Variants in TTLL7 observed in about 807,000 individuals in gnomAD.
TTLL7 encodes the protein tubulin tyrosine ligase like 7.
TTLL7 carries 53 observed loss-of-function variants against 120.2 expected under a neutral mutation model. That is an observed-to-expected ratio of 0.44 (90% CI 0.35 to 0.55). The LOEUF (loss-of-function observed/expected upper bound fraction) is 0.55. TTLL7 is among the 20% of genes least tolerant of loss of function. TTLL7 has a pLI of 0.00. For synonymous variants in TTLL7, 353 were observed against 351.7 expected, an observed-to-expected ratio of 1.00 and a Z score of -0.04; for missense variants, 803 against 1,054.7, an observed-to-expected ratio of 0.76 and a Z score of 3.31.
At chr1:83,902,508 A>T (rs1255534538) in intron 18 of TTLL7, among the ~76,000 whole-genome samples, 1 of 152,058 alleles carries the variant, frequency 6.6e-6, no homozygotes, top group Non-Finnish European at 1.5e-5. Flanking sequence ...CTCTGTCAGC[A>T]ATATGTGACA....
chr1:83,950,062 C>G (rs1648899441), intron 3 of TTLL7, 76 bp from the exon 4 acceptor site: 1 of 1,299,142 alleles, frequency 7.7e-7, no homozygotes, highest in Non-Finnish European at 1.1e-6. Context: ...ATTTTTCTAT[C>G]TAAACTTTAG....
At chr1:83,969,769 T>G (rs767530812) in intron 1 of TTLL7, among the ~76,000 whole-genome samples, 1 of 151,936 alleles carries the variant, frequency 6.6e-6, no homozygotes, top group Non-Finnish European at 1.5e-5. Context: ...ACATAAATTA[T>G]GATATAGCCA....
chr1:83,941,338 T>G (rs185453147), intron 7 of TTLL7, among the ~76,000 whole-genome samples: 4 of 152,316 alleles, frequency 2.6e-5, no homozygotes, highest in Non-Finnish European at 2.9e-5. Context: ...CTGGTCATTG[T>G]TTTTCCAAAA....
At chr1:83,971,784 CCA>C (rs1651010581) in intron 1 of TTLL7, among the ~76,000 whole-genome samples, 1 of 151,996 alleles carries the variant, frequency 6.6e-6, no homozygotes, top group African/African-American at 2.4e-5. Context: ...AATAAACTCC[CCA>C]CTTCAGTCTC....
intron 1 of TTLL7, among the ~76,000 whole-genome samples, chr1:83,966,661 G>T (rs1650489232): frequency 6.6e-6 from 1 of 151,904 alleles, no homozygotes; most frequent in South Asian, 2.1e-4. Context: ...TAAGGAAATG[G>T]GTAGAAAATA....
In TTLL7 at chr1:83,980,993, C is replaced by A. The variant is rs1651900811; in HGVS notation, c.-177+17938G>T. 2.0e-5 allele frequency: 3 copies of A among 151,594 alleles called. No homozygotes were observed. The South Asian group carries it at 6.3e-4, about 32-fold the overall frequency. 9.4% of individuals were successfully genotyped at this position (151,594 alleles called of 1,614,324 possible). On this transcript the variant is annotated intron_variant, in intron 1 of 20. Coordinates refer to ENST00000260505, the MANE Select transcript of TTLL7 (RefSeq NM_024686.6). ...AGAAAAATAGTAATACCTAGGCCAA[C>A]CACTAAGAAAACTATACGAAGCTAT...
intron 1 of TTLL7, among the ~76,000 whole-genome samples, chr1:83,964,838 T>A (rs1345489605): frequency 6.6e-6 from 1 of 152,168 alleles, no homozygotes; most frequent in Admixed American, 6.6e-5. Context: ...CATCTTAGTT[T>A]TATAAATTGA....
chr1:83,890,952 C>T (rs1222167650), intron 18 of TTLL7, among the ~76,000 whole-genome samples: 1 of 151,770 alleles, frequency 6.6e-6, no homozygotes. Context: ...CTGAATCCTT[C>T]ATTAAATTAA....
chr1:83,897,097 A>C (rs1236372314), intron 18 of TTLL7, among the ~76,000 whole-genome samples: 1 of 152,028 alleles, frequency 6.6e-6, no homozygotes, highest in Non-Finnish European at 1.5e-5. Flanking sequence ...GAAGGCAAAT[A>C]ATTTTTTTTT....
At chr1:83,921,550 C>T (rs1658669386) in intron 10 of TTLL7, among the ~76,000 whole-genome samples, 156 bp from the exon 11 acceptor site, 1 of 152,056 alleles carries the variant, frequency 6.6e-6, no homozygotes, top group Non-Finnish European at 1.5e-5. Context: ...CTAACCATAC[C>T]TCAAATATGG....
intron 20 of TTLL7, among the ~76,000 whole-genome samples, chr1:83,876,468 G>C (rs769791493): frequency 6.6e-6 from 1 of 151,358 alleles, no homozygotes; most frequent in African/African-American, 2.4e-5. Context: ...TCTTCTCCCC[G>C]CCAAAAATAA....
Position 83,973,668 on chromosome 1 carries a change from T to A in TTLL7, c.-176-21281A>T, listed in dbSNP as rs114349720. Among the ~76,000 whole-genome samples, 457 of 152,220 alleles carry A rather than the reference T, an allele frequency of 3.0e-3. 2 individuals are homozygous for A. The highest frequency in any genetic ancestry group is 0.01 in the African/African-American group (424 of 41,562). ...GATCAAGTTGAGAATAATGGAGATC[T>A]TGACAATGTTGAGCCTTCCTATAAC... On this transcript the variant is annotated intron_variant, in intron 1 of 20. Coordinates refer to ENST00000260505, the MANE Select transcript of TTLL7 (RefSeq NM_024686.6).
chr1:83,882,233 TATA>T lies in TTLL7; in HGVS notation c.2543+727_2543+729del, dbSNP rs1043344508. Among the ~76,000 whole-genome samples the T allele has an allele frequency of 8.7e-5, 13 of 150,002 alleles. No homozygotes were observed. In the South Asian group the frequency reaches 1.3e-3, roughly 14 times the overall value. On this transcript the variant is annotated intron_variant, in intron 20 of 20. Transcript: ENST00000260505. ...TGCACATTTACCCTAAAACTTAAAG[TATA>T]ATAATAATAAAATAAAAATAATAAT...
intron 1 of TTLL7, among the ~76,000 whole-genome samples, chr1:83,972,501 T>C (rs940003813): frequency 6.6e-6 from 1 of 152,136 alleles, no homozygotes; most frequent in African/African-American, 2.4e-5. Flanking sequence ...TCTGCTGACG[T>C]ACATCTTGGT....
intron 1 of TTLL7, among the ~76,000 whole-genome samples, chr1:83,995,076 A>G (rs1411417981): frequency 6.6e-6 from 1 of 152,068 alleles, no homozygotes; most frequent in Non-Finnish European, 1.5e-5. Flanking sequence ...CTCCTCAGTA[A>G]CACCAACTGC....
chr1:83,986,642 C>T (rs1044440085), intron 1 of TTLL7, among the ~76,000 whole-genome samples: 4 of 152,110 alleles, frequency 2.6e-5, no homozygotes, highest in African/African-American at 7.2e-5. Flanking sequence ...GTCAGGAGTT[C>T]GAGACCAGCC....
chr1:83,910,286 T>C (rs1244596637), intron 15 of TTLL7, among the ~76,000 whole-genome samples: 1 of 152,132 alleles, frequency 6.6e-6, no homozygotes, highest in Non-Finnish European at 1.5e-5. Context: ...GGGCTCACAA[T>C]TGTGTTCACT....
At chr1:83,930,904 G>A (rs1308447033) in intron 9 of TTLL7, among the ~76,000 whole-genome samples, 1 of 151,664 alleles carries the variant, frequency 6.6e-6, no homozygotes, top group Non-Finnish European at 1.5e-5. Flanking sequence ...AGATAAATTG[G>A]TCTATGAAGA....
rs141446583 is a variant in TTLL7, at chr1:83,911,337, A to C, written c.1614T>G (p.Thr538=). Residue 538 remains threonine, a synonymous_variant, in exon 15 of 21, where the codon ACT becomes ACG. Coordinates refer to ENST00000260505, the MANE Select transcript of TTLL7 (RefSeq NM_024686.6). ...AGTACTTTGGTCTTTTCATTATCTC[A>C]GTACTCTCAGGCATAGAACACAGAG... is the stretch of plus-strand genomic sequence containing the variant. ...PKPLCSMPES[T]EIMKRPKYCS... 1.9e-6 allele frequency: 3 copies of C among 1,613,158 alleles called. No individual in the cohort carries two copies. The highest frequency in any genetic ancestry group is 2.5e-6 in the Non-Finnish European group (3 of 1,179,332).
Sources: gnomAD v4.1 joint callset for allele counts (sites outside exome capture counted in the v4.1 genomes callset) on GRCh38, gnomAD v4.1.1 for gene constraint, MANE v1.5 for transcripts, NCBI Gene and HGNC (gene_info 2026-07-23, HGNC 2026-07-21) for gene names.